The following EDIL3 variants were observed in gnomAD, a reference collection of about 807,000 sequenced individuals.
EDIL3 encodes EGF like and discoidin domains 3.
Under a neutral mutation model 67.4 loss-of-function variants are expected in EDIL3, and 37 were observed. That is an observed-to-expected ratio of 0.55 (90% CI 0.42 to 0.72). The LOEUF is 0.72. EDIL3 is among the 30% of genes least tolerant of loss of function. The pLI is 0.00. For missense variants in EDIL3, 527 were observed against 586.3 expected (o/e 0.90, Z 1.04); for synonymous variants, 195 against 196.3 (o/e 0.99, Z 0.05).
chr5:84,048,121 C>G (rs1746257967), intron 9 of EDIL3: 2 of 310,930 alleles, frequency 6.4e-6, no homozygotes, highest in Non-Finnish European at 1.3e-5. Flanking sequence ...AGTTTCATTA[C>G]TTGACCTCTT....
intron 2 of EDIL3, among the ~76,000 whole-genome samples, chr5:84,247,313 T>C (rs1456452194): frequency 1.3e-5 from 2 of 152,106 alleles, no homozygotes; most frequent in South Asian, 4.1e-4. Flanking sequence ...TCTCGAAATC[T>C]AAAATAACCC....
At chr5:84,163,568 G>T (rs1172438866) in intron 4 of EDIL3, among the ~76,000 whole-genome samples, 1 of 151,976 alleles carries the variant, frequency 6.6e-6, no homozygotes, top group Non-Finnish European at 1.5e-5. Flanking sequence ...GTCATGGATA[G>T]CTCAGAAATT....
chr5:84,109,535 C>CA (rs1747522583), intron 5 of EDIL3, among the ~76,000 whole-genome samples: 1 of 151,772 alleles, frequency 6.6e-6, no homozygotes, highest in Admixed American at 6.6e-5. Flanking sequence ...AAAAGCAAAA[C>CA]AAAAAACCCT....
At chr5:84,219,812 T>C (rs932641764) in intron 3 of EDIL3, among the ~76,000 whole-genome samples, 1 of 152,142 alleles carries the variant, frequency 6.6e-6, no homozygotes, top group Non-Finnish European at 1.5e-5. Flanking sequence ...TCATTTGCAA[T>C]AACATGGATG....
At chr5:84,372,754 TAA>T (rs1472384371) in intron 1 of EDIL3, among the ~76,000 whole-genome samples, 1 of 152,154 alleles carries the variant, frequency 6.6e-6, no homozygotes, top group African/African-American at 2.4e-5. Context: ...ACAGGGATAA[TAA>T]AAACGCCTTA....
chr5:84,305,918 A>AATAG (rs201813036), intron 1 of EDIL3, among the ~76,000 whole-genome samples: 6,793 of 149,742 alleles, frequency 0.045, 182 homozygotes, highest in African/African-American at 0.053. Context: ...TAAATAAATA[A>AATAG]ATAGATAGAT....
chr5:84,143,431 G>T (rs1358648568), intron 4 of EDIL3, among the ~76,000 whole-genome samples: 1 of 151,978 alleles, frequency 6.6e-6, no homozygotes, highest in African/African-American at 2.4e-5. Flanking sequence ...CCAAATCCAA[G>T]AGATATTTAT....
chr5:84,289,629 C>G (rs1321024052), intron 1 of EDIL3, among the ~76,000 whole-genome samples: 1 of 152,130 alleles, frequency 6.6e-6, no homozygotes, highest in African/African-American at 2.4e-5. Flanking sequence ...ATTCCTTGGT[C>G]TTTATCCTAC....
chr5:83,957,210 T>C (rs1162916580), intron 10 of EDIL3, among the ~76,000 whole-genome samples: 1 of 151,742 alleles, frequency 6.6e-6, no homozygotes, highest in Non-Finnish European at 1.5e-5. Context: ...AAACCGTCCT[T>C]GATCCTGCTG....
chr5:84,165,785 T>A (rs578078431), intron 4 of EDIL3, among the ~76,000 whole-genome samples: 11 of 152,274 alleles, frequency 7.2e-5, no homozygotes, highest in African/African-American at 2.4e-4. Flanking sequence ...AATCACTATT[T>A]GTGGGGACAA....
At chr5:84,323,424 A>G (rs1013192970) in intron 1 of EDIL3, among the ~76,000 whole-genome samples, 6 of 151,924 alleles carry the variant, frequency 3.9e-5, no homozygotes, top group African/African-American at 1.4e-4. Context: ...ATATACACAT[A>G]AGGAAATGAG....
intron 9 of EDIL3, among the ~76,000 whole-genome samples, chr5:83,999,643 A>G (rs1267813832): frequency 6.6e-6 from 1 of 152,116 alleles, no homozygotes; most frequent in African/African-American, 2.4e-5. Flanking sequence ...TACTTAAAAG[A>G]TCTAGAAAAT....
chr5:84,182,495 T>C (rs1427168342), intron 3 of EDIL3, among the ~76,000 whole-genome samples: 1 of 151,024 alleles, frequency 6.6e-6, no homozygotes, highest in Non-Finnish European at 1.5e-5. Flanking sequence ...AACAAACTTG[T>C]GAATAGGAAA....
chr5:84,301,488 C>A (rs1746161227), intron 1 of EDIL3, among the ~76,000 whole-genome samples: 1 of 152,082 alleles, frequency 6.6e-6, no homozygotes, highest in Non-Finnish European at 1.5e-5. Flanking sequence ...TTCTTTTAAG[C>A]CTTAGTATTT....
At chr5:84,366,316 G>C (rs1004566515) in intron 1 of EDIL3, among the ~76,000 whole-genome samples, 22 of 151,876 alleles carry the variant, frequency 1.4e-4, no homozygotes, top group African/African-American at 5.3e-4. Context: ...CCACAGATAT[G>C]GTTCTATGCA....
intron 1 of EDIL3, among the ~76,000 whole-genome samples, chr5:84,371,865 A>G (rs887764648): frequency 1.3e-5 from 2 of 152,100 alleles, no homozygotes; most frequent in Admixed American, 6.6e-5. Flanking sequence ...TAAATTAAAC[A>G]ATAAACCATC....
chr5:84,252,907 G>A (rs1297753532), intron 2 of EDIL3, among the ~76,000 whole-genome samples: 1 of 151,892 alleles, frequency 6.6e-6, no homozygotes, highest in African/African-American at 2.4e-5. Context: ...CTTTGAAGAT[G>A]AATTAAATGA....
At chr5:84,134,317 T>C (rs1748050323) in intron 5 of EDIL3, among the ~76,000 whole-genome samples, 1 of 152,198 alleles carries the variant, frequency 6.6e-6, no homozygotes, top group African/African-American at 2.4e-5. Context: ...TTTAATTGTA[T>C]TGGCAAAGGC....
intron 5 of EDIL3, among the ~76,000 whole-genome samples, chr5:84,114,035 C>T (rs964741205): frequency 6.6e-6 from 1 of 151,922 alleles, no homozygotes; most frequent in Non-Finnish European, 1.5e-5. Flanking sequence ...TTCTTTTATT[C>T]CTAGCATTTG....
Sources: gnomAD v4.1 joint callset for allele counts (sites outside exome capture counted in the v4.1 genomes callset) on GRCh38, gnomAD v4.1.1 for gene constraint, MANE v1.5 for transcripts, NCBI Gene and HGNC (gene_info 2026-07-23, HGNC 2026-07-21) for gene names.